The following DCDC2 variants were observed in gnomAD, a reference collection of about 807,000 sequenced individuals.
DCDC2 encodes doublecortin domain-containing protein 2.
A neutral mutation model predicts 50.2 loss-of-function variants in DCDC2; 40 were observed. The observed-to-expected ratio is 0.80, with a 90% CI of 0.62 to 1.04. DCDC2 has a LOEUF of 1.04. DCDC2 is among the 50% of genes least tolerant of loss of function. The pLI, the probability that DCDC2 is intolerant of heterozygous loss-of-function variation, is 0.00. For synonymous variants in DCDC2, 234 were observed against 210.6 expected (o/e 1.11, Z -0.96); for missense variants, 570 against 581.9 (o/e 0.98, Z 0.21).
At chr6:24,243,994 C>A (rs1229272965) in intron 7 of DCDC2, among the ~76,000 whole-genome samples, 2 of 152,202 alleles carry the variant, frequency 1.3e-5, no homozygotes, top group Non-Finnish European at 2.9e-5. Context: ...GAATTTAAAT[C>A]TTCAATGCAC....
At chr6:24,218,048 T>A (rs1459142619) in intron 7 of DCDC2, among the ~76,000 whole-genome samples, 1 of 151,054 alleles carries the variant, frequency 6.6e-6, no homozygotes, top group Admixed American at 6.6e-5. Flanking sequence ...GCAATTCTAT[T>A]GGACTCCATT....
chr6:24,246,842 A>G (rs1018056943), intron 7 of DCDC2, among the ~76,000 whole-genome samples: 21 of 151,970 alleles, frequency 1.4e-4, no homozygotes, highest in African/African-American at 5.1e-4. Context: ...TTGTTGTTTT[A>G]ATTAACTCTT....
At chr6:24,212,173 G>A (rs778759867) in intron 7 of DCDC2, among the ~76,000 whole-genome samples, 60 of 152,132 alleles carry the variant, frequency 3.9e-4, no homozygotes, top group Non-Finnish European at 6.8e-4. Flanking sequence ...ATGATCTGAG[G>A]TGGAACAGTT....
intron 9 of DCDC2, 76 bp from the exon 10 acceptor site, chr6:24,174,910 T>C (rs533734719): frequency 3.8e-6 from 3 of 782,806 alleles, no homozygotes; most frequent in Admixed American, 5.1e-5. Context: ...AAAGAAAAAA[T>C]TACTCAAGAT....
intron 2 of DCDC2, among the ~76,000 whole-genome samples, chr6:24,311,281 T>A (rs1759566531): frequency 6.6e-6 from 1 of 152,238 alleles, no homozygotes; most frequent in Admixed American, 6.5e-5. Flanking sequence ...GAACTTTTCA[T>A]GCAATACTTT....
chr6:24,329,978 G>C (rs1202317198), intron 2 of DCDC2, among the ~76,000 whole-genome samples: 2 of 152,062 alleles, frequency 1.3e-5, no homozygotes, highest in Non-Finnish European at 2.9e-5. Context: ...GAAAAAATTA[G>C]CTACTTTACC....
chr6:24,265,397 T>C (rs969799862), intron 7 of DCDC2, among the ~76,000 whole-genome samples: 1 of 152,202 alleles, frequency 6.6e-6, no homozygotes, highest in Admixed American at 6.5e-5. Flanking sequence ...ACTGGACTTA[T>C]TATGCACAAC....
chr6:24,212,826 A>T (rs1270273749), intron 7 of DCDC2, among the ~76,000 whole-genome samples: 2 of 152,214 alleles, frequency 1.3e-5, no homozygotes, highest in South Asian at 4.1e-4. Flanking sequence ...TTTATTGCTT[A>T]CAAAATGAAA....
In DCDC2 at chr6:24,178,433, G is replaced by A. The variant is rs1367144327; in HGVS notation, c.1223C>T (p.Thr408Ile). 5 of 1,613,974 alleles carry A rather than the reference G, an allele frequency of 3.1e-6. No individual in the cohort carries two copies. Among genetic ancestry groups the A allele is most frequent in the South Asian group, 2.2e-5 (2 of 91,080 alleles). ...QARPARVNGG[T>I]DEENGEELQQ... The stretch of plus-strand genomic sequence containing the variant: ...CAGCTCCTCACCATTCTCCTCATCG[G>A]TGCCTCCATTTACACGAGCAGGGCG... The change falls in exon 9 of 10, where the codon ACC becomes ATC. Residue 408 changes from threonine (T) to isoleucine (I), a missense_variant. Physicochemically the swap from Thr to Ile is moderately conservative, Grantham distance 89. Coordinates refer to ENST00000378454, the MANE Select transcript of DCDC2 (RefSeq NM_016356.5).
chr6:24,278,969 C>T (rs1029249137), intron 6 of DCDC2, among the ~76,000 whole-genome samples: 1 of 152,152 alleles, frequency 6.6e-6, no homozygotes, highest in Non-Finnish European at 1.5e-5. Context: ...CTGCTTGCCC[C>T]TACTCCCACA....
chr6:24,263,500 G>C (rs1166234075), intron 7 of DCDC2, among the ~76,000 whole-genome samples: 2 of 152,138 alleles, frequency 1.3e-5, no homozygotes. Flanking sequence ...AACAGAGGAG[G>C]AAGTCAGAAT....
intron 2 of DCDC2, among the ~76,000 whole-genome samples, chr6:24,309,484 A>C (rs1022057094): frequency 6.6e-6 from 1 of 152,206 alleles, no homozygotes; most frequent in Non-Finnish European, 1.5e-5. Flanking sequence ...AACTGGCATA[A>C]TATTATTTGA....
chr6:24,275,708 A>G (rs183443121), intron 7 of DCDC2, among the ~76,000 whole-genome samples: 2,203 of 152,282 alleles, frequency 0.014, 17 homozygotes, highest in Middle Eastern at 0.044. Context: ...AAAATTCTCT[A>G]AAGAAAAAAA....
Position 24,247,969 on chromosome 6 carries a change from A to G in DCDC2, c.922+30080T>C, listed in dbSNP as rs1297341125. Among the ~76,000 whole-genome samples, 10 of 152,200 alleles carry G rather than the reference A, an allele frequency of 6.6e-5. 2 individuals carry two copies. The highest frequency in any genetic ancestry group is 2.2e-4 in the African/African-American group (9 of 41,534). On this transcript the variant is annotated intron_variant, in intron 7 of 9. Coordinates refer to ENST00000378454, the MANE Select transcript of DCDC2 (RefSeq NM_016356.5). ...CGGATGCCTGTAATCCCAGCTTCTC[A>G]GGAGGCTGAGGCAGGAGAATCACTT... is the stretch of plus-strand genomic sequence containing the variant.
chr6:24,194,796 A>C (rs1761395581), intron 8 of DCDC2, among the ~76,000 whole-genome samples: 1 of 152,196 alleles, frequency 6.6e-6, no homozygotes, highest in Non-Finnish European at 1.5e-5. Flanking sequence ...TGCATACACA[A>C]AACAGGTTAG....
intron 7 of DCDC2, among the ~76,000 whole-genome samples, chr6:24,244,292 C>T (rs1003073860): frequency 8.5e-5 from 13 of 152,168 alleles, no homozygotes; most frequent in South Asian, 2.1e-4. Flanking sequence ...GACTATAAAA[C>T]GATATGGAAC....
intron 2 of DCDC2, among the ~76,000 whole-genome samples, chr6:24,331,091 A>G (rs1379781081): frequency 2.0e-5 from 3 of 151,994 alleles, no homozygotes; most frequent in Non-Finnish European, 4.4e-5. Context: ...TCCTTCTTTC[A>G]CTCAAACAGC....
At chr6:24,321,674 C>T (rs766287371) in intron 2 of DCDC2, among the ~76,000 whole-genome samples, 4 of 152,146 alleles carry the variant, frequency 2.6e-5, no homozygotes, top group Non-Finnish European at 5.9e-5. Context: ...ACTCAAGGAC[C>T]TAGCAGTCAT....
At chr6:24,186,922 T>G (rs187143495) in intron 8 of DCDC2, among the ~76,000 whole-genome samples, 233 of 152,268 alleles carry the variant, frequency 1.5e-3, no homozygotes, top group Non-Finnish European at 1.5e-3. Context: ...ATCTGACTCA[T>G]GTCAAGCCAA....
Sources: gnomAD v4.1 joint callset for allele counts (sites outside exome capture counted in the v4.1 genomes callset) on GRCh38, gnomAD v4.1.1 for gene constraint, MANE v1.5 for transcripts, NCBI Gene and HGNC (gene_info 2026-07-23, HGNC 2026-07-21) for gene names.